The following GPR107 variants were observed in gnomAD, a reference collection of about 807,000 sequenced individuals.
The protein encoded by GPR107 is G protein-coupled receptor 107.
Under a neutral mutation model 75.5 loss-of-function variants are expected in GPR107, and 31 were observed. That is an observed-to-expected ratio of 0.41 (90% CI 0.31 to 0.55). The LOEUF is 0.55. Ranked by LOEUF, GPR107 falls within the 20% of genes least tolerant of loss-of-function variation. GPR107 has a pLI of 0.26. For missense variants in GPR107, 572 were observed against 665.7 expected, an observed-to-expected ratio of 0.86 and a Z score of 1.55; for synonymous variants, 267 against 251.3, an observed-to-expected ratio of 1.06 and a Z score of -0.59.
chr9:130,116,793 A>C (rs1313845411), intron 14 of GPR107, among the ~76,000 whole-genome samples: 3 of 151,908 alleles, frequency 2.0e-5, no homozygotes, highest in Non-Finnish European at 4.4e-5. Context: ...CTTTAGTGCT[A>C]CTCTGAGGAG....
intron 5 of GPR107, among the ~76,000 whole-genome samples, chr9:130,082,339 G>A (rs1398489133): frequency 6.6e-6 from 1 of 152,176 alleles, no homozygotes; most frequent in Non-Finnish European, 1.5e-5. Flanking sequence ...GTTAATGCCT[G>A]TGCACCATCT....
intron 14 of GPR107, among the ~76,000 whole-genome samples, chr9:130,108,220 C>A (rs907912029): frequency 6.6e-6 from 1 of 152,230 alleles, no homozygotes; most frequent in African/African-American, 2.4e-5. Flanking sequence ...TCTCTCAAAG[C>A]TCAGAACGGT....
At chr9:130,105,967 A>G (rs1831146465) in intron 13 of GPR107, among the ~76,000 whole-genome samples, 2 of 152,084 alleles carry the variant, frequency 1.3e-5, no homozygotes, top group Non-Finnish European at 2.9e-5. Flanking sequence ...GTGGAATATG[A>G]ATGACTCTTC....
In GPR107 at chr9:130,077,371, A is replaced by C; in HGVS notation, c.379A>C (p.Arg127=). The C allele has an allele frequency of 1.4e-6, 2 of 1,461,698 alleles. No individual in the cohort carries two copies. Among genetic ancestry groups the C allele is most frequent in the Non-Finnish European group, 1.9e-6 (2 of 1,040,728 alleles). The allele number at this position is 1,461,698 out of a possible 1,614,324, so 90.5% of individuals were successfully genotyped here. A position where few individuals can be genotyped will look rare whatever the true frequency, so the allele number is the denominator to read the frequency against. The change falls in exon 4 of 18, where the codon AGA becomes CGA. Residue 127 remains arginine, a synonymous_variant. Transcript: ENST00000347136. Reference sequence around the variant, plus strand: ...CACCCTTTTAATCCTAGACATCTCCAGAAGTGAGTAAGTAATTCTAAAGTT... The same window carrying C: ...CACCCTTTTAATCCTAGACATCTCCCGAAGTGAGTAAGTAATTCTAAAGTT... ...SVTLLILDIS[R]SEVRVKSPPE...
At chr9:130,054,854 ATTGT>A (rs1418794461) in intron 1 of GPR107, among the ~76,000 whole-genome samples, 1 of 152,126 alleles carries the variant, frequency 6.6e-6, no homozygotes. Context: ...ATGCAGGAGG[ATTGT>A]TTGAGCCCAG....
At position 130,083,617 on chromosome 9, in the gene GPR107, C is replaced by T; in HGVS notation, c.564+15C>T. On this transcript the variant is annotated intron_variant, in intron 6 of 17. Transcript: ENST00000347136. ...TGGATTCAAAGGTAAGAACTAACCA[C>T]CCTTTTGTGCTCAGCTTTTCTGGAT... is the stretch of plus-strand genomic sequence containing the variant. 6.7e-7 allele frequency: 1 copy of T among 1,491,198 alleles called. No homozygotes were observed. The allele number at this position is 1,491,198 out of a possible 1,614,324, so 92.4% of individuals were successfully genotyped here.
intron 1 of GPR107, among the ~76,000 whole-genome samples, chr9:130,073,987 C>G (rs1830278608): frequency 6.6e-6 from 1 of 152,124 alleles, no homozygotes; most frequent in South Asian, 2.1e-4. Flanking sequence ...GAACTCCTGA[C>G]CCCAAGTGAT....
Position 130,086,436 on chromosome 9 carries a change from C to A in GPR107, c.581C>A (p.Ser194Tyr). Residue 194 changes from serine to tyrosine, a missense_variant, in exon 7 of 18, where the codon TCC becomes TAC. Physicochemically the swap from Ser to Tyr is moderately radical, Grantham distance 144. Coordinates refer to ENST00000347136, the MANE Select transcript of GPR107 (RefSeq NM_020960.5). ...TCTTTTTAGGCCATGGGAGAGAAAT[C>A]CTTTTCTGTTCATAATAATGGTGGG... ...TVDSKAMGEK[S>Y]FSVHNNGGAV... 6.5e-7 allele frequency: 1 copy of A among 1,536,876 alleles called. No homozygotes were observed. Among genetic ancestry groups the A allele is most frequent in the Non-Finnish European group, 9.0e-7 (1 of 1,109,944 alleles).
At position 130,114,620 on chromosome 9, in the gene GPR107, T is replaced by C. The variant is rs571198962; in HGVS notation, c.1306+7081T>C. On this transcript the variant is annotated intron_variant, in intron 14 of 17. Transcript: ENST00000347136. ...AGGCTGATCTTGAACTCCTGGCCTC[T>C]AGCTGTCCTCCTGCCTCAGTCTCCC... 2.9e-4 allele frequency: 177 copies of C among 617,592 alleles called. 2 individuals carry two copies. In the African/African-American group the frequency reaches 3.2e-3, roughly 11 times the overall value. The allele number at this position is 617,592 out of a possible 1,614,324, so 38.3% of individuals were successfully genotyped here. A position where few individuals can be genotyped will look rare whatever the true frequency, so the allele number is the denominator to read the frequency against.
intron 16 of GPR107, among the ~76,000 whole-genome samples, chr9:130,128,299 A>G (rs1589532666): frequency 6.6e-6 from 1 of 152,182 alleles, no homozygotes; most frequent in South Asian, 2.1e-4. Context: ...TAGCTTAACT[A>G]CTAGAGGAAG....
chr9:130,128,249 T>A (rs1469458801), intron 16 of GPR107, among the ~76,000 whole-genome samples: 1 of 152,254 alleles, frequency 6.6e-6, no homozygotes, highest in Non-Finnish European at 1.5e-5. Context: ...TTGCCCATTT[T>A]ATTATTTCGA....
At chr9:130,068,906 T>C (rs991797958) in intron 1 of GPR107, among the ~76,000 whole-genome samples, 1 of 152,030 alleles carries the variant, frequency 6.6e-6, no homozygotes, top group East Asian at 1.9e-4. Context: ...ACCCAGCTAA[T>C]TTTTTGTATT....
intron 14 of GPR107, among the ~76,000 whole-genome samples, chr9:130,121,244 AT>A (rs1341497277): frequency 6.6e-6 from 1 of 151,934 alleles, no homozygotes; most frequent in African/African-American, 2.4e-5. Context: ...GCAGTGTCCA[AT>A]CTTTTGGCTT....
chr9:130,130,337 TGAGGAG>T (rs1456702536), intron 17 of GPR107, among the ~76,000 whole-genome samples: 5 of 152,214 alleles, frequency 3.3e-5, no homozygotes. Flanking sequence ...TCTGTCATCT[TGAGGAG>T]TGAGAGTGGA....
chr9:130,069,972 C>T (rs942345049), intron 1 of GPR107, among the ~76,000 whole-genome samples: 10 of 139,848 alleles, frequency 7.2e-5, no homozygotes, highest in African/African-American at 1.9e-4. Context: ...CATAAGCCAC[C>T]GTGCCTGGCC....
At chr9:130,107,657 G>C in intron 14 of GPR107, 118 bp downstream of exon 14, 2 of 780,740 alleles carry the variant, frequency 2.6e-6, no homozygotes, top group African/African-American at 3.4e-5. Flanking sequence ...TGGGAGGAGA[G>C]CTAGGGGAGG....
rs1832032314 is a variant in GPR107 at position 130,139,134 on chromosome 9, G to A, written c.*4013G>A. The A allele has an allele frequency of 6.6e-6, 1 of 152,286 alleles. No individual in the cohort carries two copies. The highest frequency in any genetic ancestry group is 1.5e-5 in the Non-Finnish European group (1 of 68,068). 9.4% of individuals were successfully genotyped at this position (152,286 alleles called of 1,614,324 possible). A position where few individuals can be genotyped will look rare whatever the true frequency, so the allele number is the denominator to read the frequency against. ...GCCTTGTAAGACTCACGTAAGCTAA[G>A]TCCAGGATGCCTGTGGCCTGCGGCT... On this transcript the variant is annotated 3_prime_UTR_variant, in exon 18 of 18. Coordinates refer to ENST00000347136, the MANE Select transcript of GPR107 (RefSeq NM_020960.5).
At chr9:130,097,715 T>G (rs970238701) in intron 9 of GPR107, among the ~76,000 whole-genome samples, 2 of 151,400 alleles carry the variant, frequency 1.3e-5, no homozygotes, top group African/African-American at 4.9e-5. Flanking sequence ...TTGGGTTTTT[T>G]TTTTTTTTTT....
At position 130,137,951 on chromosome 9, in the gene GPR107, T is replaced by C. The variant is rs1259279819; in HGVS notation, c.*2830T>C. 1 of 152,268 alleles carries C rather than the reference T, an allele frequency of 6.6e-6. No individual in the cohort carries two copies. The highest frequency in any genetic ancestry group is 2.4e-5 in the African/African-American group (1 of 41,464). 9.4% of individuals were successfully genotyped at this position (152,268 alleles called of 1,614,324 possible). ...ATATCCATGTTTCCTCTGAGAAATCTGTTGTGGACTGAAAGCGCTGCTGGC... is the reference window on the plus strand; with the variant it reads ...ATATCCATGTTTCCTCTGAGAAATCCGTTGTGGACTGAAAGCGCTGCTGGC... On this transcript the variant is annotated 3_prime_UTR_variant, in exon 18 of 18. Transcript: ENST00000347136.
Sources: allele counts gnomAD v4.1 joint callset (sites outside exome capture counted in the v4.1 genomes callset), GRCh38; gene constraint gnomAD v4.1.1; transcripts MANE v1.5; gene names NCBI Gene and HGNC (gene_info 2026-07-23, HGNC 2026-07-21).